The following SLC24A2 variants were observed in gnomAD, a reference collection of about 807,000 sequenced individuals.
The protein encoded by SLC24A2 is solute carrier family 24 member 2, also known as sodium/potassium/calcium exchanger 2.
SLC24A2 carries 36 observed loss-of-function variants against 62.0 expected under a neutral mutation model. That is an observed-to-expected ratio of 0.58 (90% CI 0.44 to 0.77). The LOEUF (loss-of-function observed/expected upper bound fraction) is 0.77, where lower values mean the gene tolerates loss of function less well. SLC24A2 is among the 30% of genes least tolerant of loss of function. The pLI, the probability that SLC24A2 is intolerant of heterozygous loss-of-function variation, is 0.00. For missense variants in SLC24A2, 846 were observed against 817.9 expected (o/e 1.03, Z -0.42); for synonymous variants, 358 against 294.0 (o/e 1.22, Z -2.23).
chr9:19,947,885 T>A, the SLC24A2 span, among the ~76,000 whole-genome samples: 1 of 151,290 alleles, frequency 6.6e-6, no homozygotes, highest in Non-Finnish European at 1.5e-5. Flanking sequence ...CTTTGTTGGA[T>A]AGATTTTACA....
intron 7 of SLC24A2, among the ~76,000 whole-genome samples, chr9:19,557,755 T>G (rs936899671): frequency 7.3e-5 from 10 of 136,424 alleles, no homozygotes; most frequent in African/African-American, 3.8e-4. Context: ...TGACTTTTTT[T>G]TTTTTTATAT....
intron 2 of SLC24A2, among the ~76,000 whole-genome samples, chr9:19,726,798 T>C (rs1821185191): frequency 6.6e-6 from 1 of 152,186 alleles, no homozygotes; most frequent in African/African-American, 2.4e-5. Flanking sequence ...AATTGATCTA[T>C]CCCAAGGCAT....
At chr9:19,979,506 A>T in the SLC24A2 span, among the ~76,000 whole-genome samples, 1 of 152,192 alleles carries the variant, frequency 6.6e-6, no homozygotes, top group African/African-American at 2.4e-5. Context: ...TAGGGCAGGT[A>T]CTGTACACAT....
intron 7 of SLC24A2, among the ~76,000 whole-genome samples, chr9:19,570,072 T>G (rs1281611109): frequency 6.6e-6 from 1 of 152,224 alleles, no homozygotes; most frequent in Non-Finnish European, 1.5e-5. Context: ...CATTCTCTGC[T>G]TTGCTAGAAC....
chr9:19,901,242 A>G, the SLC24A2 span, among the ~76,000 whole-genome samples: 1 of 152,190 alleles, frequency 6.6e-6, no homozygotes, highest in African/African-American at 2.4e-5. Flanking sequence ...TACAAGATAT[A>G]ATGATGGCAC....
At chr9:19,527,352 G>A (rs1291657503) in intron 9 of SLC24A2, among the ~76,000 whole-genome samples, 5 of 152,160 alleles carry the variant, frequency 3.3e-5, no homozygotes, top group African/African-American at 1.2e-4. Flanking sequence ...TCTGTAAACT[G>A]TGGATAATAA....
chr9:19,631,706 C>A (rs1221897697), intron 2 of SLC24A2, among the ~76,000 whole-genome samples: 1 of 152,140 alleles, frequency 6.6e-6, no homozygotes, highest in African/African-American at 2.4e-5. Flanking sequence ...CCATGAGGCA[C>A]AAAAGAATTG....
chr9:20,142,795 C>T, the SLC24A2 span, among the ~76,000 whole-genome samples: 5,435 of 152,088 alleles, frequency 0.036, 141 homozygotes, highest in African/African-American at 0.062. Context: ...GGGGTTTCAC[C>T]GTGTTGGTCA....
chr9:19,687,868 C>T (rs184062556), intron 2 of SLC24A2, among the ~76,000 whole-genome samples: 57 of 152,176 alleles, frequency 3.7e-4, no homozygotes, highest in East Asian at 1.9e-4. Context: ...GACAAAGGTG[C>T]TTGCGTTACT....
the SLC24A2 span, among the ~76,000 whole-genome samples, chr9:19,873,688 A>T: frequency 6.6e-6 from 1 of 151,996 alleles, no homozygotes; most frequent in Non-Finnish European, 1.5e-5. Flanking sequence ...GAGGGATTAG[A>T]TTCTACTATG....
chr9:19,781,398 A>AT (rs1478819231), intron 2 of SLC24A2, among the ~76,000 whole-genome samples: 14 of 44,878 alleles, frequency 3.1e-4, no homozygotes, highest in Non-Finnish European at 6.8e-4. Context: ...AGGGAGAGAT[A>AT]ATGGTGACTC....
At chr9:19,594,431 T>C (rs1366908228) in intron 5 of SLC24A2, among the ~76,000 whole-genome samples, 1 of 152,198 alleles carries the variant, frequency 6.6e-6, no homozygotes, top group African/African-American at 2.4e-5. Context: ...GGGTGGTATA[T>C]ATAATGCATC....
chr9:19,535,013 A>G (rs961575817), intron 8 of SLC24A2, among the ~76,000 whole-genome samples: 6 of 152,172 alleles, frequency 3.9e-5, no homozygotes, highest in Non-Finnish European at 8.8e-5. Flanking sequence ...CATCCTCTCC[A>G]GCACCTGTTG....
At chr9:19,990,452 T>C in the SLC24A2 span, among the ~76,000 whole-genome samples, 9 of 151,228 alleles carry the variant, frequency 6.0e-5, no homozygotes, top group Non-Finnish European at 1.3e-4. Context: ...TCTACTAAAA[T>C]ACAAAAAAAT....
chr9:20,244,267 G>C, the SLC24A2 span, among the ~76,000 whole-genome samples: 1 of 152,272 alleles, frequency 6.6e-6, no homozygotes, highest in East Asian at 1.9e-4. Flanking sequence ...ACTAAAATGA[G>C]TTTACAAGAT....
chr9:20,002,812 A>G, the SLC24A2 span, among the ~76,000 whole-genome samples: 10 of 152,222 alleles, frequency 6.6e-5, no homozygotes, highest in African/African-American at 2.4e-4. Context: ...TGGTTTCAGG[A>G]GGGGACAACA....
the SLC24A2 span, among the ~76,000 whole-genome samples, chr9:20,284,083 C>T: frequency 6.6e-6 from 1 of 152,150 alleles, no homozygotes; most frequent in African/African-American, 2.4e-5. Context: ...ATTATCATTT[C>T]TATAGAGGCA....
chr9:19,706,268 T>A (rs988154744), intron 2 of SLC24A2, among the ~76,000 whole-genome samples: 5 of 152,066 alleles, frequency 3.3e-5, no homozygotes, highest in Non-Finnish European at 5.9e-5. Flanking sequence ...CTGCCTTTTT[T>A]TGTTTTCCAT....
chr9:19,954,668 C>T, the SLC24A2 span, among the ~76,000 whole-genome samples: 5 of 152,010 alleles, frequency 3.3e-5, no homozygotes, highest in Non-Finnish European at 7.4e-5. Flanking sequence ...CTCAAGATTG[C>T]AACCCCTTCT....
Sources: gnomAD v4.1 joint callset for allele counts (sites outside exome capture counted in the v4.1 genomes callset) on GRCh38, gnomAD v4.1.1 for gene constraint, MANE v1.5 for transcripts, NCBI Gene and HGNC (gene_info 2026-07-23, HGNC 2026-07-21) for gene names.